The following GRIP1 variants were observed in gnomAD, a reference collection of about 807,000 sequenced individuals.
GRIP1 encodes glutamate receptor-interacting protein 1.
GRIP1 carries 45 observed loss-of-function variants against 129.9 expected under a neutral mutation model. That is an observed-to-expected ratio of 0.35 (90% CI 0.27 to 0.44). The LOEUF (loss-of-function observed/expected upper bound fraction) is 0.44, where lower values mean the gene tolerates loss of function less well. GRIP1 is among the 20% of genes least tolerant of loss of function. The pLI, the probability that GRIP1 is intolerant of heterozygous loss-of-function variation, is 1.00. For synonymous variants in GRIP1, 530 were observed against 520.8 expected (o/e 1.02, Z -0.24); for missense variants, 1,196 against 1,396.8 (o/e 0.86, Z 2.29).
chr12:66,724,543 T>C (rs552331516), intron 1 of GRIP1, among the ~76,000 whole-genome samples: 13 of 152,184 alleles, frequency 8.5e-5, no homozygotes, highest in Non-Finnish European at 1.5e-4. Context: ...CTCCTCTTGC[T>C]TCAGTGAGGG....
At chr12:66,526,636 A>C (rs1229606927) in intron 5 of GRIP1, among the ~76,000 whole-genome samples, 1 of 152,022 alleles carries the variant, frequency 6.6e-6, no homozygotes, top group Non-Finnish European at 1.5e-5. Flanking sequence ...CTTCATGTCT[A>C]AAACACCAAA....
At chr12:66,961,221 G>C (rs533970560) in intron 1 of GRIP1, among the ~76,000 whole-genome samples, 1 of 152,202 alleles carries the variant, frequency 6.6e-6, no homozygotes, top group African/African-American at 2.4e-5. Context: ...CAGAGACGGA[G>C]GAGGAGCAAA....
intron 1 of GRIP1, among the ~76,000 whole-genome samples, chr12:66,870,452 G>T (rs1329104832): frequency 6.6e-6 from 1 of 152,082 alleles, no homozygotes. Context: ...GAGCAATGCT[G>T]TTTCTCCACA....
chr12:66,768,636 C>A (rs2136707853), intron 1 of GRIP1, among the ~76,000 whole-genome samples: 1 of 152,280 alleles, frequency 6.6e-6, no homozygotes, highest in Non-Finnish European at 1.5e-5. Context: ...CTTTTCCATG[C>A]ACAGGTCATA....
At chr12:66,835,431 A>G (rs1480402943) in intron 1 of GRIP1, among the ~76,000 whole-genome samples, 6 of 152,208 alleles carry the variant, frequency 3.9e-5, no homozygotes, top group African/African-American at 1.4e-4. Flanking sequence ...AGAACTTGGA[A>G]TGTTTATATC....
chr12:66,707,410 T>C (rs2035566745), intron 1 of GRIP1, among the ~76,000 whole-genome samples: 1 of 151,004 alleles, frequency 6.6e-6, no homozygotes, highest in Non-Finnish European at 1.5e-5. Flanking sequence ...ACATTCAGTC[T>C]CTAATGTACG....
intron 1 of GRIP1, among the ~76,000 whole-genome samples, chr12:66,779,017 T>C (rs1293680047): frequency 3.9e-5 from 6 of 152,272 alleles, no homozygotes; most frequent in Admixed American, 2.0e-4. Flanking sequence ...CACATAGCTT[T>C]GGGAGCACTT....
intron 1 of GRIP1, among the ~76,000 whole-genome samples, chr12:66,795,161 AGTATTAAC>A (rs1196239851): frequency 6.6e-6 from 1 of 152,234 alleles, no homozygotes; most frequent in Non-Finnish European, 1.5e-5. Context: ...TACAAAAACA[AGTATTAAC>A]CAGAGCTGTA....
chr12:66,527,580 C>A (rs190721065), intron 5 of GRIP1, among the ~76,000 whole-genome samples: 37 of 152,028 alleles, frequency 2.4e-4, no homozygotes, highest in African/African-American at 8.7e-4. Flanking sequence ...TGCTAAATGA[C>A]AAGTTAATGG....
chr12:66,523,348 A>G (rs565500005), intron 5 of GRIP1, among the ~76,000 whole-genome samples: 2 of 145,834 alleles, frequency 1.4e-5, no homozygotes, highest in African/African-American at 5.1e-5. Context: ...AAGCTCTACA[A>G]GCCAGAAGAG....
chr12:66,979,609 A>AC, intron 1 of GRIP1, among the ~76,000 whole-genome samples: 1 of 152,236 alleles, frequency 6.6e-6, no homozygotes, highest in Non-Finnish European at 1.5e-5. Context: ...TTAAGTTGTA[A>AC]CCCCCAGAAA....
intron 7 of GRIP1, among the ~76,000 whole-genome samples, chr12:66,510,778 C>CCACA (rs142827232): frequency 0.012 from 1,821 of 151,914 alleles, 40 homozygotes; most frequent in East Asian, 0.1. Context: ...CACACATACA[C>CCACA]CACACACACA....
At chr12:66,409,652 T>G (rs1313245648) in intron 15 of GRIP1, among the ~76,000 whole-genome samples, 3 of 152,176 alleles carry the variant, frequency 2.0e-5, no homozygotes, top group Non-Finnish European at 4.4e-5. Context: ...TCCATGAGCA[T>G]CAAGACCATC....
chr12:66,610,271 TACAC>T (rs758836413), intron 1 of GRIP1, among the ~76,000 whole-genome samples: 42 of 152,094 alleles, frequency 2.8e-4, no homozygotes, highest in Admixed American at 7.2e-4. Context: ...GATACATAGA[TACAC>T]ACATACACTT....
chr12:66,589,194 TTCTCTC>T (rs10582806), intron 2 of GRIP1, among the ~76,000 whole-genome samples: 302 of 95,612 alleles, frequency 3.2e-3, no homozygotes, highest in African/African-American at 5.9e-3. Context: ...CTCCCCCACC[TTCTCTC>T]TCTCTCTCTC....
chr12:66,472,442 C>T (rs914041682), intron 7 of GRIP1, among the ~76,000 whole-genome samples: 6 of 152,080 alleles, frequency 3.9e-5, no homozygotes, highest in Non-Finnish European at 1.5e-5. Flanking sequence ...TTTTAACATA[C>T]TGTTTGCAAC....
intron 1 of GRIP1, among the ~76,000 whole-genome samples, chr12:66,675,753 C>T (rs1414141488): frequency 1.3e-5 from 2 of 152,162 alleles, no homozygotes; most frequent in Non-Finnish European, 2.9e-5. Context: ...AACGGCATTG[C>T]TTCTTTAGAT....
chr12:66,392,952 C>G (rs1369979681), intron 17 of GRIP1, 136 bp from the exon 18 acceptor site: 2 of 836,654 alleles, frequency 2.4e-6, no homozygotes, highest in African/African-American at 3.4e-5. Flanking sequence ...CTTGCTTTCT[C>G]CTGGGCAATG....
In GRIP1 at chr12:66,652,283, T is replaced by C. The variant is rs1025883376; in HGVS notation, c.55+26567A>G. Among the ~76,000 whole-genome samples the C allele has an allele frequency of 3.3e-5, 5 of 152,072 alleles. No homozygotes were observed. In the East Asian group the frequency reaches 5.8e-4, roughly 18 times the overall value. ...GGTTTCCCCCATGCTATTCTCATGATAGTGAGTGAGTTCTCATGAGATCTG... is the reference window on the plus strand; with the variant it reads ...GGTTTCCCCCATGCTATTCTCATGACAGTGAGTGAGTTCTCATGAGATCTG... On this transcript the variant is annotated intron_variant, in intron 1 of 24. Coordinates refer to ENST00000359742, the MANE Select transcript of GRIP1 (RefSeq NM_001366722.1).
Sources: allele counts gnomAD v4.1 joint callset (sites outside exome capture counted in the v4.1 genomes callset), GRCh38; gene constraint gnomAD v4.1.1; transcripts MANE v1.5; gene names NCBI Gene and HGNC (gene_info 2026-07-23, HGNC 2026-07-21).